The following SLFN12L variants were observed in gnomAD, a reference collection of about 807,000 sequenced individuals.
SLFN12L encodes schlafen family member 12-like.
SLFN12L carries 34 observed loss-of-function variants against 34.8 expected under a neutral mutation model. The observed-to-expected ratio is 0.98, with a 90% CI of 0.74 to 1.30. The LOEUF is 1.30. Ranked by LOEUF, SLFN12L falls within the 50% of genes most tolerant of loss-of-function variation. SLFN12L has a pLI of 0.00. For synonymous variants in SLFN12L, 259 were observed against 247.5 expected (o/e 1.05, Z -0.44); for missense variants, 703 against 696.2 (o/e 1.01, Z -0.11).
At chr17:35,476,120 T>G (rs1451928363) in intron 4 of SLFN12L, among the ~76,000 whole-genome samples, 1 of 151,958 alleles carries the variant, frequency 6.6e-6, no homozygotes, top group African/African-American at 2.4e-5. Flanking sequence ...ATAGAGCCCA[T>G]GCAGAAATCA....
At chr17:35,529,878 C>A (rs140371923) in intron 1 of SLFN12L, among the ~76,000 whole-genome samples, 1,625 of 151,756 alleles carry the variant, frequency 0.011, 21 homozygotes, top group South Asian at 0.073. Context: ...AAAATACCAC[C>A]TGTTCCCCTA....
intron 1 of SLFN12L, among the ~76,000 whole-genome samples, chr17:35,535,399 G>A (rs375071019): frequency 6.6e-5 from 10 of 150,540 alleles, no homozygotes; most frequent in African/African-American, 1.5e-4. Flanking sequence ...GTTTCTCCAC[G>A]TTGTTCAGGC....
In SLFN12L at chr17:35,472,307, G is replaced by A; in HGVS notation, c.*2616C>T. ...TTTAGTCCATCTTGGGTTAATTTTT[G>A]TATAAGGTGTAAGGAAGGGATCCAG... On this transcript the variant is annotated 3_prime_UTR_variant, in exon 5 of 5. Coordinates refer to ENST00000628453, the MANE Select transcript of SLFN12L (RefSeq NM_001363830.2). Among the ~76,000 whole-genome samples, 1 of 152,136 alleles carries A rather than the reference G, an allele frequency of 6.6e-6. No individual in the cohort carries two copies. Among genetic ancestry groups the A allele is most frequent in the East Asian group, 1.9e-4 (1 of 5,202 alleles).
intron 2 of SLFN12L, chr17:35,490,004 G>C: frequency 6.3e-7 from 1 of 1,579,450 alleles, no homozygotes; most frequent in Non-Finnish European, 8.6e-7. Context: ...AGAAATATCC[G>C]ACATCCAGAT....
chr17:35,495,427 G>A (rs1433801357), intron 2 of SLFN12L, among the ~76,000 whole-genome samples: 1 of 152,148 alleles, frequency 6.6e-6, no homozygotes, highest in Non-Finnish European at 1.5e-5. Context: ...GTCGATTATA[G>A]CTCAGTATAG....
At chr17:35,529,345 G>A (rs1393544406) in intron 1 of SLFN12L, among the ~76,000 whole-genome samples, 2 of 152,132 alleles carry the variant, frequency 1.3e-5, no homozygotes, top group Non-Finnish European at 2.9e-5. Context: ...CCATTACTGG[G>A]TATATACCCA....
chr17:35,490,069 C>A, intron 2 of SLFN12L: 3 of 1,606,524 alleles, frequency 1.9e-6, no homozygotes, highest in Non-Finnish European at 2.5e-6. Context: ...AAAGCGGCGC[C>A]GTAGCCACCG....
intron 2 of SLFN12L, chr17:35,499,173 G>C: frequency 1.1e-6 from 1 of 936,610 alleles, no homozygotes; most frequent in Non-Finnish European, 1.6e-6. Flanking sequence ...TATTCTGGAG[G>C]AGGATGTGTG....
At chr17:35,491,305 T>C in intron 2 of SLFN12L, 1 of 604,206 alleles carries the variant, frequency 1.7e-6, no homozygotes, top group East Asian at 2.9e-5. Flanking sequence ...AGAACATATG[T>C]CATGCAATGT....
At chr17:35,487,669 A>T in intron 2 of SLFN12L, 1 of 1,503,098 alleles carries the variant, frequency 6.7e-7, no homozygotes, top group Middle Eastern at 1.7e-4. Flanking sequence ...TTTCGTCTGT[A>T]CCTATTTGTA....
At position 35,474,455 on chromosome 17, in the gene SLFN12L, G is replaced by A. The variant is rs1913863176; in HGVS notation, c.*468C>T. 1 of 152,826 alleles carries A rather than the reference G, an allele frequency of 6.5e-6. No homozygotes were observed. The highest frequency in any genetic ancestry group is 1.5e-5 in the Non-Finnish European group (1 of 68,576). 9.5% of individuals were successfully genotyped at this position (152,826 alleles called of 1,614,324 possible). On this transcript the variant is annotated 3_prime_UTR_variant, in exon 5 of 5. Transcript: ENST00000628453. The stretch of plus-strand genomic sequence containing the variant: ...TTGCCTAACTTGCAATGTTTTCAAA[G>A]ACGTATTTTTAGAGAATTAGAGAAT...
At chr17:35,489,246 CA>C (rs35920981) in intron 2 of SLFN12L, among the ~76,000 whole-genome samples, 2 of 151,862 alleles carry the variant, frequency 1.3e-5, no homozygotes, top group African/African-American at 4.8e-5. Context: ...AAGAAGTAAG[CA>C]AAAAAGATTA....
chr17:35,537,415 A>G (rs1232103649), intron 1 of SLFN12L, among the ~76,000 whole-genome samples, 158 bp downstream of exon 1: 1 of 152,174 alleles, frequency 6.6e-6, no homozygotes, highest in Non-Finnish European at 1.5e-5. Context: ...GTAGACCTAA[A>G]GTGTCTACTT....
intron 1 of SLFN12L, among the ~76,000 whole-genome samples, chr17:35,525,579 G>A (rs969201294): frequency 6.6e-5 from 10 of 152,116 alleles, no homozygotes; most frequent in African/African-American, 1.2e-4. Context: ...GAAAAGAATC[G>A]TCAACCCAGA....
At chr17:35,527,465 C>T (rs2072349218) in intron 1 of SLFN12L, among the ~76,000 whole-genome samples, 1 of 152,068 alleles carries the variant, frequency 6.6e-6, no homozygotes, top group African/African-American at 2.4e-5. Flanking sequence ...AAAATACTGG[C>T]AAACCGAATC....
chr17:35,519,466 G>T (rs935376916), intron 2 of SLFN12L, among the ~76,000 whole-genome samples: 1 of 152,074 alleles, frequency 6.6e-6, no homozygotes, highest in African/African-American at 2.4e-5. Context: ...ATACCTATAA[G>T]TTCATTCATA....
chr17:35,530,362 AAAGGAAGGAAGGAAGGAAGGAAGG>A (rs1216705890), intron 1 of SLFN12L, among the ~76,000 whole-genome samples: 3 of 84,924 alleles, frequency 3.5e-5, no homozygotes, highest in African/African-American at 1.4e-4. Flanking sequence ...AAAGAGAAAG[AAAGGAAGGAAGGAAGGAAGGAAGG>A]AAGGAAGGAA....
At chr17:35,502,578 T>A (rs1915337595) in intron 2 of SLFN12L, among the ~76,000 whole-genome samples, 2 of 151,676 alleles carry the variant, frequency 1.3e-5, no homozygotes, top group Admixed American at 6.6e-5. Context: ...TGATAGATGG[T>A]TCCTCCCGGG....
rs1916032371 is a variant in SLFN12L, at chr17:35,522,630, C to T, written c.-266G>A. On this transcript the variant is annotated 5_prime_UTR_variant, in exon 2 of 5. Coordinates refer to ENST00000628453, the MANE Select transcript of SLFN12L (RefSeq NM_001363830.2). ...TCGGAGACACTGCAGCCTCCAAAGCCTCTGCGCTGCTCTCAGGACTCAGGC... is the reference window on the plus strand; with the variant it reads ...TCGGAGACACTGCAGCCTCCAAAGCTTCTGCGCTGCTCTCAGGACTCAGGC... The T allele has an allele frequency of 1.3e-5, 21 of 1,613,012 alleles. No individual in the cohort carries two copies. Among genetic ancestry groups the T allele is most frequent in the Non-Finnish European group, 1.4e-5 (17 of 1,179,430 alleles).
Sources: allele counts gnomAD v4.1 joint callset (sites outside exome capture counted in the v4.1 genomes callset), GRCh38; gene constraint gnomAD v4.1.1; transcripts MANE v1.5; gene names NCBI Gene and HGNC (gene_info 2026-07-23, HGNC 2026-07-21).